The following KCNK5 variants were observed in gnomAD, a reference collection of about 807,000 sequenced individuals.
KCNK5 encodes the protein potassium two pore domain channel subfamily K member 5, also known as potassium channel subfamily K member 5.
A neutral mutation model predicts 32.9 loss-of-function variants in KCNK5; 18 were observed. That is an observed-to-expected ratio of 0.55 (90% CI 0.38 to 0.81). The LOEUF (loss-of-function observed/expected upper bound fraction) is 0.81. Ranked by LOEUF, KCNK5 falls within the 30% of genes least tolerant of loss-of-function variation. The pLI, the probability that KCNK5 is intolerant of heterozygous loss-of-function variation, is 0.00. For synonymous variants in KCNK5, 276 were observed against 275.3 expected, an observed-to-expected ratio of 1.00 and a Z score of -0.03; for missense variants, 507 against 651.0, an observed-to-expected ratio of 0.78 and a Z score of 2.41.
intron 1 of KCNK5, among the ~76,000 whole-genome samples, chr6:39,228,530 C>G (rs373301432): frequency 6.6e-6 from 1 of 152,244 alleles, no homozygotes; most frequent in East Asian, 1.9e-4. Context: ...GGTGGAGACA[C>G]GAGGGGATGG....
intron 1 of KCNK5, among the ~76,000 whole-genome samples, chr6:39,206,689 G>C (rs1233444122): frequency 6.6e-6 from 1 of 152,150 alleles, no homozygotes; most frequent in Non-Finnish European, 1.5e-5. Context: ...CAGCACAGGG[G>C]AGAGGGCAGA....
intron 1 of KCNK5, among the ~76,000 whole-genome samples, chr6:39,208,280 G>T (rs1771264296): frequency 6.6e-6 from 1 of 152,150 alleles, no homozygotes; most frequent in African/African-American, 2.4e-5. Flanking sequence ...CAGGGGTGGG[G>T]CCACTGGGTT....
intron 1 of KCNK5, among the ~76,000 whole-genome samples, chr6:39,206,530 A>T (rs1027231014): frequency 1.3e-5 from 2 of 152,126 alleles, no homozygotes; most frequent in Non-Finnish European, 2.9e-5. Flanking sequence ...CGGGCCAATG[A>T]CCTGAGGGAG....
Position 39,194,033 on chromosome 6 carries a change from G to T in KCNK5, c.634+136C>A. On this transcript the variant is annotated intron_variant, in intron 4 of 4. Transcript: ENST00000359534. This position sits in a 1 kb window ranked among gnomAD's most constrained non-coding sequence, Gnocchi z 4.7. ...TCTTAGTTTCCTCTTGCAAATGGCA[G>T]AGTGGGTTGAGAATCCCACTGGGTA... 4.5e-6 allele frequency: 4 copies of T among 882,042 alleles called. No homozygotes were observed. The South Asian group carries it at 4.6e-5, about 10-fold the overall frequency. 54.6% of individuals were successfully genotyped at this position (882,042 alleles called of 1,614,324 possible).
chr6:39,228,135 A>G (rs1298368630), intron 1 of KCNK5, among the ~76,000 whole-genome samples: 1 of 152,130 alleles, frequency 6.6e-6, no homozygotes, highest in African/African-American at 2.4e-5. Flanking sequence ...TGCACCAGAA[A>G]ATAAGCGGTT....
intron 1 of KCNK5, among the ~76,000 whole-genome samples, chr6:39,203,721 A>G (rs1771171772): frequency 6.6e-6 from 1 of 152,222 alleles, no homozygotes; most frequent in African/African-American, 2.4e-5. Context: ...TGGAGGTTAA[A>G]TAAATGCTAT....
intron 1 of KCNK5, among the ~76,000 whole-genome samples, chr6:39,209,690 T>C (rs1382873171): frequency 1.3e-5 from 2 of 152,170 alleles, no homozygotes; most frequent in South Asian, 2.1e-4. Context: ...ACACACATCC[T>C]TTCTCTCCTC....
chr6:39,205,541 T>G (rs1396268475), intron 1 of KCNK5, among the ~76,000 whole-genome samples: 1 of 152,200 alleles, frequency 6.6e-6, no homozygotes, highest in Non-Finnish European at 1.5e-5. Flanking sequence ...CCTGTGCTGG[T>G]GTCTCTGCCC....
At position 39,225,100 on chromosome 6, in the gene KCNK5, C is replaced by T. The variant is rs910371920; in HGVS notation, c.186+3826G>A. On this transcript the variant is annotated intron_variant, in intron 1 of 4. Coordinates refer to ENST00000359534, the MANE Select transcript of KCNK5 (RefSeq NM_003740.4). ...CAGGCTGGACCAGACCCTCGTTAAGCGACCTCCTGAAAACCTCTTCTGTAG... is the reference window on the plus strand; with the variant it reads ...CAGGCTGGACCAGACCCTCGTTAAGTGACCTCCTGAAAACCTCTTCTGTAG... Among the ~76,000 whole-genome samples the T allele has an allele frequency of 5.3e-5, 8 of 152,146 alleles. No individual in the cohort carries two copies. The South Asian group carries it at 1.0e-3, about 20-fold the overall frequency.
Position 39,194,364 on chromosome 6 carries a change from G to T in KCNK5, c.466-27C>A. On this transcript the variant is annotated intron_variant, in intron 3 of 4. Coordinates refer to ENST00000359534, the MANE Select transcript of KCNK5 (RefSeq NM_003740.4). This position sits in a 1 kb window ranked among gnomAD's most constrained non-coding sequence, Gnocchi z 4.7. ...TGATGGGGAGCAGGAGGCCAAGTCA[G>T]AGAATAGTGGAGACTTGGAAACCCA... 6 of 1,571,972 alleles carry T rather than the reference G, an allele frequency of 3.8e-6. No homozygotes were observed. Among genetic ancestry groups the T allele is most frequent in the Non-Finnish European group, 5.2e-6 (6 of 1,158,268 alleles).
chr6:39,225,840 C>T (rs1283610279), intron 1 of KCNK5, among the ~76,000 whole-genome samples: 1 of 152,182 alleles, frequency 6.6e-6, no homozygotes, highest in Non-Finnish European at 1.5e-5. Context: ...GCTGTGCCTC[C>T]TGTGGTGTCC....
chr6:39,224,086 CT>C (rs10664461), intron 1 of KCNK5, among the ~76,000 whole-genome samples: 54 of 142,474 alleles, frequency 3.8e-4, no homozygotes, highest in African/African-American at 4.4e-4. Flanking sequence ...CAGACTAAGG[CT>C]TTTTTTTTTT....
intron 1 of KCNK5, among the ~76,000 whole-genome samples, chr6:39,219,212 GGAA>G (rs1771498593): frequency 6.6e-6 from 1 of 152,132 alleles, no homozygotes; most frequent in South Asian, 2.1e-4. Flanking sequence ...GGGGGATAGG[GGAA>G]GAAGAAGAGG....
At chr6:39,206,881 G>C (rs1217230648) in intron 1 of KCNK5, among the ~76,000 whole-genome samples, 1 of 152,218 alleles carries the variant, frequency 6.6e-6, no homozygotes, top group Admixed American at 6.5e-5. Flanking sequence ...TGGGCACATG[G>C]GGCGTGTTCC....
intron 1 of KCNK5, among the ~76,000 whole-genome samples, chr6:39,204,705 C>G (rs1449599180): frequency 2.6e-5 from 4 of 152,348 alleles, no homozygotes; most frequent in Admixed American, 6.5e-5. Context: ...TAGATCCAAT[C>G]CATTCTCCCT....
At chr6:39,203,406 C>T (rs1348620471) in intron 1 of KCNK5, among the ~76,000 whole-genome samples, 4 of 152,230 alleles carry the variant, frequency 2.6e-5, no homozygotes, top group Non-Finnish European at 5.9e-5. Flanking sequence ...GAGGCCCCAT[C>T]TCTCCTGGCC....
At chr6:39,202,291 T>G (rs1389873706) in intron 1 of KCNK5, among the ~76,000 whole-genome samples, 1 of 152,152 alleles carries the variant, frequency 6.6e-6, no homozygotes, top group Non-Finnish European at 1.5e-5. Context: ...TTTCACTAAA[T>G]TCATCAGTTA....
chr6:39,194,497 C>G lies in KCNK5; in HGVS notation c.465+97G>C. ...CTGAAACTATCCTCTTGCCATCTGT[C>G]CTTACACCCTTGGTCCAATTCCTAG... On this transcript the variant is annotated intron_variant, in intron 3 of 4. Coordinates refer to ENST00000359534, the MANE Select transcript of KCNK5 (RefSeq NM_003740.4). The surrounding 1 kb of genome is among the most constrained non-coding windows in gnomAD (Gnocchi z 4.7). 3 of 1,478,768 alleles carry G rather than the reference C, an allele frequency of 2.0e-6. No individual in the cohort carries two copies. The highest frequency in any genetic ancestry group is 2.8e-6 in the Non-Finnish European group (3 of 1,083,132). 91.6% of individuals were successfully genotyped at this position (1,478,768 alleles called of 1,614,324 possible).
chr6:39,224,426 A>G (rs1368714055), intron 1 of KCNK5, among the ~76,000 whole-genome samples: 2 of 152,194 alleles, frequency 1.3e-5, no homozygotes, highest in Non-Finnish European at 2.9e-5. Context: ...CATTTTGGCC[A>G]CATGTAATTT....
Sources: gnomAD v4.1 joint callset for allele counts (sites outside exome capture counted in the v4.1 genomes callset) on GRCh38, gnomAD v4.1.1 for gene constraint, Gnocchi (gnomAD v3.1) non-coding constraint, MANE v1.5 for transcripts, NCBI Gene and HGNC (gene_info 2026-07-23, HGNC 2026-07-21) for gene names.